FAT1: variants seen among roughly 807,000 people sequenced by gnomAD.
FAT1 encodes the protein protocadherin Fat 1.
FAT1 carries 171 observed loss-of-function variants against 329.8 expected under a neutral mutation model. The ratio of observed to expected loss-of-function variants is 0.52; its 90% CI spans 0.46 to 0.59. The LOEUF (loss-of-function observed/expected upper bound fraction) is 0.59, where lower values mean the gene tolerates loss of function less well. Among genes scored for constraint, FAT1 ranks in the 20% least tolerant of loss-of-function variants. FAT1 has a pLI of 0.00. For synonymous variants in FAT1, 2,233 were observed against 2,228.6 expected (o/e 1.00, Z -0.06); for missense variants, 5,672 against 5,774.4 (o/e 0.98, Z 0.57).
Position 186,600,034 on chromosome 4 carries a change from T to G in FAT1, c.11967A>C (p.Leu3989Phe). 1 of 1,614,016 alleles carries G rather than the reference T, an allele frequency of 6.2e-7. No individual in the cohort carries two copies. Among genetic ancestry groups the G allele is most frequent in the Non-Finnish European group, 8.5e-7 (1 of 1,179,890 alleles). The change falls in exon 22 of 27, where the codon TTA becomes TTC. Residue 3989 changes from leucine to phenylalanine, a missense_variant. Transcript: ENST00000441802. Reference protein sequence around the residue: ...SIYLNGQELPLNSKPRSYAHI... With the variant: ...SIYLNGQELPFNSKPRSYAHI... ...GTGCATAGCTTCTGGGTTTGCTGTTTAAAGGGAGCTCCTGCCCATTCAAAT... is the reference window on the plus strand; with the variant it reads ...GTGCATAGCTTCTGGGTTTGCTGTTGAAAGGGAGCTCCTGCCCATTCAAAT...
intron 3 of FAT1, among the ~76,000 whole-genome samples, chr4:186,659,401 C>A (rs576481196): frequency 2.0e-5 from 3 of 152,344 alleles, no homozygotes; most frequent in Admixed American, 6.5e-5. Context: ...AGGATAATCA[C>A]CAGGGTCCCA....
rs2126699223 is a variant in FAT1 at position 186,708,810 on chromosome 4, C to T, written c.1018G>A (p.Asp340Asn). The T allele has an allele frequency of 1.9e-6, 3 of 1,613,946 alleles. No individual in the cohort carries two copies. The highest frequency in any genetic ancestry group is 2.5e-6 in the Non-Finnish European group (3 of 1,179,878). Residue 340 changes from aspartate to asparagine, a missense_variant, in exon 2 of 27, where the codon GAT (aspartate) becomes AAT (asparagine). By Grantham distance (23) the Asp-to-Asn change is conservative. Around this residue, in one of 2 missense-constraint regions of FAT1, gnomAD observed 3,966 missense variants for 3,915.2 expected, o/e 1.01. Transcript: ENST00000441802. ...FGYNLTLQAKDKGTPPQFSSV... is the reference protein window; with the variant it reads ...FGYNLTLQAKNKGTPPQFSSV... ...GAGAACTGGGGCGGAGTTCCTTTAT[C>T]TTTAGCCTGTAGTGTGAGATTGTAG...
chr4:186,598,052 C>G lies in FAT1; in HGVS notation c.12177G>C (p.Lys4059Asn), dbSNP rs1280097. Residue 4059 changes from lysine to asparagine, a missense_variant, in exon 23 of 27, where the codon AAG becomes AAC. Coordinates refer to ENST00000441802, the MANE Select transcript of FAT1 (RefSeq NM_005245.4). The part of the protein sequence containing the change: ...CEISVNPCSS[K>N]PCLYGGTCVV... ...CACACGTGCCCCCATAGAGGCATGG[C>G]TTGGAGGAACACGGATTGACGCTTA... 1,604,911 of 1,613,988 alleles carry G rather than the reference C, an allele frequency of 0.99. 797,957 individuals are homozygous for G. Among genetic ancestry groups the G allele is most frequent in the East Asian group, 1 (44,870 of 44,870 alleles).
At chr4:186,612,328 T>C (rs1296638161) in intron 13 of FAT1, among the ~76,000 whole-genome samples, 3 of 152,094 alleles carry the variant, frequency 2.0e-5, no homozygotes, top group African/African-American at 7.2e-5. Flanking sequence ...ACAAATCACA[T>C]CTGTTTATCA....
chr4:186,609,202 T>G lies in FAT1; in HGVS notation c.10187A>C (p.Lys3396Thr), dbSNP rs911540359. 1 of 1,613,196 alleles carries G rather than the reference T, an allele frequency of 6.2e-7. No individual in the cohort carries two copies. Among genetic ancestry groups the G allele is most frequent in the Non-Finnish European group, 8.5e-7 (1 of 1,179,660 alleles). The change falls in exon 16 of 27, where the codon AAA becomes ACA. Residue 3396 changes from lysine (K) to threonine (T), a missense_variant. Coordinates refer to ENST00000441802, the MANE Select transcript of FAT1 (RefSeq NM_005245.4). ...ACTTACCGTTTCTCGGTCGAGAAGTTTGGTCACTTTGACTTCTCCCCTGAC... is the reference window on the plus strand; with the variant it reads ...ACTTACCGTTTCTCGGTCGAGAAGTGTGGTCACTTTGACTTCTCCCCTGAC... ...DPVRGEVKVT[K>T]LLDRETISGY...
intron 9 of FAT1, 55 bp from the exon 10 acceptor site, chr4:186,621,830 T>C (rs1740065807): frequency 9.0e-7 from 1 of 1,115,002 alleles, no homozygotes; most frequent in South Asian, 1.7e-5. Flanking sequence ...GCAGTAGTAG[T>C]AGTAGTTAGA....
Position 186,707,038 on chromosome 4 carries a change from A to G in FAT1, c.2790T>C (p.Pro930=), listed in dbSNP as rs2126685065. Residue 930 remains proline (P), a synonymous_variant, in exon 2 of 27, where the codon CCT becomes CCC. Coordinates refer to ENST00000441802, the MANE Select transcript of FAT1 (RefSeq NM_005245.4). ...CCTCTCGGACTTTCACACGATAATT[A>G]GGTGGAATAAATGTAGGTGGGTTGT... is the stretch of plus-strand genomic sequence containing the variant. ...VNDNPPTFIP[P]NYRVKVREDL... The G allele has an allele frequency of 6.2e-7, 1 of 1,613,974 alleles. No homozygotes were observed. Among genetic ancestry groups the G allele is most frequent in the Middle Eastern group, 1.6e-4 (1 of 6,062 alleles).
Position 186,633,891 on chromosome 4 carries a change from C to T in FAT1, c.4184-68G>A, listed in dbSNP as rs911506070. On this transcript the variant is annotated intron_variant, in intron 6 of 26. Coordinates refer to ENST00000441802, the MANE Select transcript of FAT1 (RefSeq NM_005245.4). Reference sequence around the variant, plus strand: ...ACTCTGTAGTTTATTCTGTGGCTTTCTCATACTTAATGGCACTGAAAAATC... The same window carrying T: ...ACTCTGTAGTTTATTCTGTGGCTTTTTCATACTTAATGGCACTGAAAAATC... The T allele has an allele frequency of 1.5e-5, 23 of 1,562,508 alleles. No individual in the cohort carries two copies. In the African/African-American group the frequency reaches 3.1e-4, roughly 21 times the overall value.
Position 186,618,723 on chromosome 4 carries a change from A to G in FAT1, c.7863T>C (p.Ser2621=). The change falls in exon 10 of 27, where the codon AGT becomes AGC. Residue 2621 remains serine (S), a synonymous_variant. Transcript: ENST00000441802. ...CGGCATTGGAGCCCTCATCGGCATC[A>G]CTTGCAAGAACTTTAACGACTGAAG... ...KGTSVVKVLA[S]DADEGSNADI... The G allele has an allele frequency of 6.2e-7, 1 of 1,614,014 alleles. No homozygotes were observed. The highest frequency in any genetic ancestry group is 8.5e-7 in the Non-Finnish European group (1 of 1,179,880).
intron 1 of FAT1, among the ~76,000 whole-genome samples, chr4:186,715,837 T>C (rs1488700604): frequency 2.6e-5 from 4 of 152,240 alleles, no homozygotes; most frequent in African/African-American, 7.2e-5. Flanking sequence ...AAAGCTTAAA[T>C]ATCTTTAGCA....
chr4:186,704,512 T>G (rs1171332424), intron 2 of FAT1, among the ~76,000 whole-genome samples: 2 of 152,180 alleles, frequency 1.3e-5, no homozygotes, highest in African/African-American at 4.8e-5. Flanking sequence ...TGAAGAGAAT[T>G]TAAATTAAGG....
rs1206500681 is a variant in FAT1 at position 186,609,803 on chromosome 4, T to C, written c.10066A>G (p.Thr3356Ala). The C allele has an allele frequency of 1.9e-6, 3 of 1,608,556 alleles. No individual in the cohort carries two copies. The highest frequency in any genetic ancestry group is 2.2e-5 in the South Asian group (2 of 90,968). The change falls in exon 15 of 27, where the codon ACG becomes GCG. Residue 3356 changes from threonine to alanine, a missense_variant and splice_region_variant. By Grantham distance (58) the Thr-to-Ala change is moderately conservative. Transcript: ENST00000441802. The stretch of plus-strand genomic sequence containing the variant: ...TGTAATGGGGAAAAAATACACACCG[T>C]GATGACAGACTGCTCAAGAACGGCA... Reference protein sequence around the residue: ...EDAVLEQSVITVMADDADGPS... With the variant: ...EDAVLEQSVIAVMADDADGPS...
At chr4:186,655,318 A>G (rs1009615912) in intron 3 of FAT1, among the ~76,000 whole-genome samples, 1 of 152,266 alleles carries the variant, frequency 6.6e-6, no homozygotes, top group Admixed American at 6.5e-5. Flanking sequence ...GAGAAGAGGT[A>G]AAAAGTAAAC....
At chr4:186,655,966 C>A (rs327072) in intron 3 of FAT1, among the ~76,000 whole-genome samples, 46,547 of 152,214 alleles carry the variant, frequency 0.31, 8,511 homozygotes, top group African/African-American at 0.49. Context: ...AAAGTACCTG[C>A]AAAGGCAGTT....
rs373208032 is a variant in FAT1, at chr4:186,658,983, C to T, written c.3580+4316G>A. ...AGTTCGGTAAATAAACACGGCCACG[C>T]ACTGCATAACGACGTGTCAGTTAAC... On this transcript the variant is annotated intron_variant, in intron 3 of 26. Coordinates refer to ENST00000441802, the MANE Select transcript of FAT1 (RefSeq NM_005245.4). 2.6e-5 allele frequency among the ~76,000 whole-genome samples: 4 copies of T among 152,378 alleles called. No homozygotes were observed. In the East Asian group the frequency reaches 5.8e-4, roughly 22 times the overall value.
chr4:186,618,918 T>G lies in FAT1; in HGVS notation c.7668A>C (p.Arg2556=). The G allele has an allele frequency of 6.2e-7, 1 of 1,613,976 alleles. No homozygotes were observed. Among genetic ancestry groups the G allele is most frequent in the Non-Finnish European group, 8.5e-7 (1 of 1,179,890 alleles). Residue 2556 remains arginine, a synonymous_variant, in exon 10 of 27, where the codon CGA becomes CGC. Transcript: ENST00000441802. ...GQIFTLEKLD[R]ETPAEKVISV... is the part of the protein sequence containing the mutation. ...AGATCACTTTCTCCGCCGGGGTTTC[T>G]CGATCAAGTTTTTCCAAAGTAAATA...
intron 2 of FAT1, among the ~76,000 whole-genome samples, chr4:186,696,639 C>A (rs1327760190): frequency 6.6e-6 from 1 of 152,188 alleles, no homozygotes; most frequent in Non-Finnish European, 1.5e-5. Context: ...AACCAGGACC[C>A]ACAAATGCAT....
intron 1 of FAT1, among the ~76,000 whole-genome samples, chr4:186,718,343 C>G (rs1745310734): frequency 6.6e-6 from 1 of 152,134 alleles, no homozygotes; most frequent in Non-Finnish European, 1.5e-5. Flanking sequence ...TGTGCAGAAT[C>G]CATACACACA....
In FAT1 at chr4:186,603,626, C is replaced by T. The variant is rs376274181; in HGVS notation, c.10900G>A (p.Val3634Ile). The T allele has an allele frequency of 6.9e-5, 111 of 1,613,924 alleles. No homozygotes were observed. The African/African-American group carries it at 1.2e-3, about 18-fold the overall frequency. ...GTGTGGTTCAACATCTCCTGTGTGA[C>T]TTGTCTGATATGCACTGTGATGTCG... is the stretch of plus-strand genomic sequence containing the variant. ...VADITVHIRQ[V>I]TQEMLNHTIA... Residue 3634 changes from valine (V) to isoleucine (I), a missense_variant, in exon 19 of 27, where the codon GTC becomes ATC. Coordinates refer to ENST00000441802, the MANE Select transcript of FAT1 (RefSeq NM_005245.4).
Sources: gnomAD v4.1 joint callset for allele counts (sites outside exome capture counted in the v4.1 genomes callset) on GRCh38, gnomAD v4.1.1 for gene constraint, gnomAD v4.1.1 regional missense constraint, MANE v1.5 for transcripts, NCBI Gene and HGNC (gene_info 2026-07-23, HGNC 2026-07-21) for gene names.